The following LAP3 variants were observed in gnomAD, a reference collection of about 807,000 sequenced individuals.
LAP3 encodes cytosol aminopeptidase.
A neutral mutation model predicts 58.8 loss-of-function variants in LAP3; 46 were observed. That is an observed-to-expected ratio of 0.78 (90% CI 0.62 to 1.00). The LOEUF (loss-of-function observed/expected upper bound fraction) is 1.00, where lower values mean the gene tolerates loss of function less well. LAP3 is among the 50% of genes least tolerant of loss of function. LAP3 has a pLI of 0.00. For synonymous variants in LAP3, 257 were observed against 237.7 expected, an observed-to-expected ratio of 1.08 and a Z score of -0.75; for missense variants, 615 against 659.1, an observed-to-expected ratio of 0.93 and a Z score of 0.73.
intron 11 of LAP3, 135 bp downstream of exon 11, chr4:17,604,802 C>T: frequency 1.5e-6 from 1 of 688,880 alleles, no homozygotes; most frequent in Non-Finnish European, 2.5e-6. Context: ...GAAAATGAAC[C>T]ACAGCAATAG....
At position 17,607,472 on chromosome 4, in the gene LAP3, C is replaced by T; in HGVS notation, c.1443C>T (p.Asp481=). 6.2e-7 allele frequency: 1 copy of T among 1,614,096 alleles called. No individual in the cohort carries two copies. The highest frequency in any genetic ancestry group is 8.5e-7 in the Non-Finnish European group (1 of 1,180,016). The change falls in exon 13 of 13, where the codon GAC becomes GAT. Residue 481 remains aspartate (D), a synonymous_variant. Coordinates refer to ENST00000226299, the MANE Select transcript of LAP3 (RefSeq NM_015907.3). ...CTCATCCTAAGTGGGCACATTTAGA[C>T]ATAGCAGGCGTGATGACCAACAAAG... is the stretch of plus-strand genomic sequence containing the variant. ...FVTHPKWAHL[D]IAGVMTNKDE... is the part of the protein sequence containing the mutation.
intron 7 of LAP3, among the ~76,000 whole-genome samples, chr4:17,592,129 G>A (rs946712697): frequency 1.3e-5 from 2 of 152,100 alleles, no homozygotes; most frequent in Non-Finnish European, 2.9e-5. Context: ...TAGATAGATT[G>A]ATTTTAAAAA....
intron 7 of LAP3, among the ~76,000 whole-genome samples, chr4:17,591,673 G>C (rs116174228): frequency 0.016 from 2,371 of 152,264 alleles, 26 homozygotes; most frequent in South Asian, 0.023. Context: ...AGGCATTCTA[G>C]TGCAGGGAAA....
At chr4:17,597,266 G>C in intron 9 of LAP3, 132 bp downstream of exon 9, 1 of 742,322 alleles carries the variant, frequency 1.3e-6, no homozygotes, top group Non-Finnish European at 2.4e-6. Flanking sequence ...TTTAGTGCTG[G>C]GTAGCCTTTC....
chr4:17,597,544 C>T (rs986776670), intron 9 of LAP3, among the ~76,000 whole-genome samples: 1 of 152,248 alleles, frequency 6.6e-6, no homozygotes, highest in Non-Finnish European at 1.5e-5. Context: ...GCTAGGATTA[C>T]AGGCGCGAGC....
At chr4:17,589,087 G>A in intron 7 of LAP3, 110 bp downstream of exon 7, 1 of 1,099,514 alleles carries the variant, frequency 9.1e-7, no homozygotes, top group South Asian at 1.6e-5. Flanking sequence ...TTGAGGCAGA[G>A]TCTCACCCTG....
chr4:17,600,452 T>C (rs1713955283), intron 10 of LAP3, among the ~76,000 whole-genome samples: 1 of 152,196 alleles, frequency 6.6e-6, no homozygotes, highest in South Asian at 2.1e-4. Context: ...AGTACCCCCT[T>C]ACTGTAAATG....
At chr4:17,602,712 C>T (rs74643582) in intron 10 of LAP3, among the ~76,000 whole-genome samples, 3 of 151,766 alleles carry the variant, frequency 2.0e-5, no homozygotes, top group Admixed American at 1.3e-4. Flanking sequence ...TTTTTTGAGA[C>T]GGAGTCTCAC....
chr4:17,577,765 C>T (rs1160335379), intron 1 of LAP3, among the ~76,000 whole-genome samples, 198 bp downstream of exon 1: 1 of 152,226 alleles, frequency 6.6e-6, no homozygotes, highest in East Asian at 1.9e-4. Context: ...GGGCGCGATT[C>T]CCCTGCTCGG....
intron 11 of LAP3, among the ~76,000 whole-genome samples, chr4:17,605,793 T>C (rs779586579): frequency 6.6e-5 from 10 of 152,164 alleles, no homozygotes; most frequent in African/African-American, 2.4e-4. Flanking sequence ...GTTTTGACTT[T>C]TAAAAAACAT....
In LAP3 at chr4:17,581,241, A is replaced by G. The variant is rs143291235; in HGVS notation, c.219-519A>G. Among the ~76,000 whole-genome samples, 932 of 152,320 alleles carry G rather than the reference A, an allele frequency of 6.1e-3. 10 individuals are homozygous for G. The highest frequency in any genetic ancestry group is 0.021 in the African/African-American group (889 of 41,558). ...AGCCAACCACCACTTAGATTACTGC[A>G]GTGTTTTTGGTGTCTTGTGGCTTTT... On this transcript the variant is annotated intron_variant, in intron 2 of 12. Coordinates refer to ENST00000226299, the MANE Select transcript of LAP3 (RefSeq NM_015907.3).
In LAP3 at chr4:17,597,327, G is replaced by A. The variant is rs561321535; in HGVS notation, c.1077+193G>A. On this transcript the variant is annotated intron_variant, in intron 9 of 12. Transcript: ENST00000226299. ...GTCTCGCTGCATCACCCAGGCTGTA[G>A]TGCAGTGGCGTGATCATGTCTCACT... is the stretch of plus-strand genomic sequence containing the variant. Among the ~76,000 whole-genome samples the A allele has an allele frequency of 3.9e-4, 60 of 152,302 alleles. No homozygotes were observed. The South Asian group carries it at 6.6e-3, about 17-fold the overall frequency.
intron 11 of LAP3, 131 bp from the exon 12 acceptor site, chr4:17,606,698 C>T: frequency 1.8e-6 from 1 of 567,050 alleles, no homozygotes; most frequent in Non-Finnish European, 3.1e-6. Flanking sequence ...ATTCTGAAAC[C>T]TATTTTCTAG....
intron 6 of LAP3, among the ~76,000 whole-genome samples, chr4:17,588,201 CTT>C (rs11333479): frequency 1.2e-4 from 18 of 148,132 alleles, no homozygotes; most frequent in Admixed American, 3.4e-4. Context: ...CTAATTTTTT[CTT>C]TTTTTTTTTT....
chr4:17,584,727 G>C (rs918347092), intron 5 of LAP3: 10 of 335,344 alleles, frequency 3.0e-5, no homozygotes, highest in African/African-American at 2.1e-4. Flanking sequence ...GGATTCTGAA[G>C]GGAAGTGCCT....
intron 1 of LAP3, 83 bp downstream of exon 1, chr4:17,577,650 G>A (rs1713245056): frequency 2.7e-6 from 3 of 1,094,078 alleles, no homozygotes; most frequent in East Asian, 2.9e-5. Context: ...TCGAAGCCGC[G>A]GTGTCCTGGG....
intron 10 of LAP3, among the ~76,000 whole-genome samples, chr4:17,602,950 G>A (rs562069268): frequency 7.9e-5 from 12 of 151,740 alleles, no homozygotes; most frequent in African/African-American, 2.9e-4. Context: ...CCAAAATGCT[G>A]GGATTACAGG....
chr4:17,604,570 A>T lies in LAP3; in HGVS notation c.1181-18A>T, dbSNP rs745346547. On this transcript the variant is annotated intron_variant, in intron 10 of 12. Transcript: ENST00000226299. ...GCCTGGAGAGACTGCACGTGACCTG[A>T]GGGCTTGTGTCTTACAGGTGCCATG... The T allele has an allele frequency of 6.2e-7, 1 of 1,610,532 alleles. No homozygotes were observed. The highest frequency in any genetic ancestry group is 8.5e-7 in the Non-Finnish European group (1 of 1,176,738).
rs952527725 is a variant in LAP3, at chr4:17,604,641, T to C, written c.1234T>C (p.Ser412Pro). The C allele has an allele frequency of 6.2e-7, 1 of 1,613,544 alleles. No homozygotes were observed. The highest frequency in any genetic ancestry group is 8.5e-7 in the Non-Finnish European group (1 of 1,179,582). The change falls in exon 11 of 13, where the codon TCC (serine) becomes CCC (proline). Residue 412 changes from serine (S) to proline (P), a missense_variant. Coordinates refer to ENST00000226299, the MANE Select transcript of LAP3 (RefSeq NM_015907.3). ...SGATGVFTNS[S>P]WLWNKLFEAS... ...TGCCACTGGGGTCTTTACCAATTCA[T>C]CCTGGCTCTGGAACAAACTCTTCGA...
Sources: gnomAD v4.1 joint callset for allele counts (sites outside exome capture counted in the v4.1 genomes callset) on GRCh38, gnomAD v4.1.1 for gene constraint, MANE v1.5 for transcripts, NCBI Gene and HGNC (gene_info 2026-07-23, HGNC 2026-07-21) for gene names.